CDO1: variants seen among roughly 807,000 people sequenced by gnomAD.
The protein encoded by CDO1 is cysteine dioxygenase type 1.
In CDO1, 19 loss-of-function variants were observed where a neutral mutation model predicts 24.5. The ratio of observed to expected loss-of-function variants is 0.77; its 90% confidence interval spans 0.54 to 1.14. CDO1 has a LOEUF of 1.14. CDO1 is among the 50% of genes most tolerant of loss of function. The probability of loss-of-function intolerance (pLI) is 0.00; values close to 1 mark genes in which losing one functional copy is unlikely to be tolerated. For missense variants in CDO1, 244 were observed against 244.8 expected (o/e 1.00, Z 0.02); for synonymous variants, 91 against 87.0 (o/e 1.05, Z -0.26).
intron 3 of CDO1, among the ~76,000 whole-genome samples, chr5:115,807,461 C>T (rs1759995037): frequency 6.6e-6 from 1 of 151,722 alleles, no homozygotes; most frequent in Admixed American, 6.6e-5. Flanking sequence ...AGACAGAGGG[C>T]AGAGCAAACA....
At chr5:115,813,492 C>T (rs535286000) in intron 1 of CDO1, among the ~76,000 whole-genome samples, 2 of 152,012 alleles carry the variant, frequency 1.3e-5, no homozygotes, top group Admixed American at 6.5e-5. Flanking sequence ...ATTAATGGCA[C>T]GGGAAAAATA....
chr5:115,809,335 G>T (rs1390268330), intron 3 of CDO1, among the ~76,000 whole-genome samples: 2 of 152,082 alleles, frequency 1.3e-5, no homozygotes, highest in African/African-American at 4.8e-5. Flanking sequence ...ATGAAGCAGA[G>T]TTAGGTCCAG....
At chr5:115,816,087 T>C in intron 1 of CDO1, 141 bp downstream of exon 1, 3 of 470,714 alleles carry the variant, frequency 6.4e-6, no homozygotes, top group Non-Finnish European at 1.1e-5. Flanking sequence ...GCCCCGCGGC[T>C]GGCCAGCGAG....
At chr5:115,808,723 AAAAAC>A (rs567999338) in intron 3 of CDO1, among the ~76,000 whole-genome samples, 1 of 145,096 alleles carries the variant, frequency 6.9e-6, no homozygotes, top group East Asian at 1.9e-4. Flanking sequence ...ACACACACAC[AAAAAC>A]AAAACAAAAC....
At chr5:115,813,047 CAAAA>C (rs1011228490) in intron 2 of CDO1, 130 bp downstream of exon 2, 3,351 of 151,492 alleles carry the variant, frequency 0.022, 2 homozygotes, top group African/African-American at 0.047. Flanking sequence ...ACCACTGTCT[CAAAA>C]AAAAAAAAAA....
At chr5:115,808,548 G>A (rs1760049409) in intron 3 of CDO1, among the ~76,000 whole-genome samples, 1 of 152,050 alleles carries the variant, frequency 6.6e-6, no homozygotes, top group Admixed American at 6.5e-5. Flanking sequence ...TCAGTAAAGA[G>A]GGGATCCAGC....
chr5:115,807,635 T>A (rs1393448364), intron 3 of CDO1, among the ~76,000 whole-genome samples: 1 of 135,860 alleles, frequency 7.4e-6, no homozygotes, highest in Non-Finnish European at 1.6e-5. Flanking sequence ...TGAGGAAGAC[T>A]CAAAGAACAA....
chr5:115,816,635 A>C lies in CDO1; in HGVS notation c.-238T>G. The C allele has an allele frequency of 1.8e-6, 1 of 547,762 alleles. No homozygotes were observed. Among genetic ancestry groups the C allele is most frequent in the East Asian group, 3.2e-5 (1 of 31,330 alleles). The allele number at this position is 547,762 out of a possible 1,614,324, so 33.9% of individuals were successfully genotyped here. On this transcript the variant is annotated 5_prime_UTR_variant, in exon 1 of 5. Coordinates refer to ENST00000250535, the MANE Select transcript of CDO1 (RefSeq NM_001801.3). ...TCCGGGATCGCTGGAGACGCGGTGC[A>C]CACACAAATCAGGTTCAGATCTGTG...
Position 115,804,939 on chromosome 5 carries a change from G to C in CDO1, c.*494C>G, listed in dbSNP as rs1428250581. On this transcript the variant is annotated 3_prime_UTR_variant, in exon 5 of 5. Coordinates refer to ENST00000250535, the MANE Select transcript of CDO1 (RefSeq NM_001801.3). The stretch of plus-strand genomic sequence containing the variant: ...TCTATTATTCATAGAAAAGAAATTT[G>C]TAAGGTAAGACTGAAAAAATAAAAT... 1 of 152,356 alleles carries C rather than the reference G, an allele frequency of 6.6e-6. No individual in the cohort carries two copies. The highest frequency in any genetic ancestry group is 1.5e-5 in the Non-Finnish European group (1 of 68,166). The allele number at this position is 152,356 out of a possible 1,614,324, so 9.4% of individuals were successfully genotyped here. A position where few individuals can be genotyped will look rare whatever the true frequency, so the allele number is the denominator to read the frequency against.
At chr5:115,813,107 T>C in intron 2 of CDO1, 74 bp downstream of exon 2, 1 of 717,020 alleles carries the variant, frequency 1.4e-6, no homozygotes, top group Non-Finnish European at 2.4e-6. Flanking sequence ...GACCTGTGGC[T>C]AGCCTGGTAC....
intron 1 of CDO1, among the ~76,000 whole-genome samples, 196 bp downstream of exon 1, chr5:115,816,032 C>G (rs866062652): frequency 6.6e-6 from 1 of 152,226 alleles, no homozygotes; most frequent in South Asian, 2.1e-4. Flanking sequence ...TAGGATCCAC[C>G]TTCCGCCTGC....
rs1480418863 is a variant in CDO1, at chr5:115,806,538, G to A, written c.404-20C>T. 1.3e-6 allele frequency: 2 copies of A among 1,588,326 alleles called. No homozygotes were observed. The highest frequency in any genetic ancestry group is 1.7e-6 in the Non-Finnish European group (2 of 1,170,008). On this transcript the variant is annotated intron_variant, in intron 3 of 4. Transcript: ENST00000250535. ...TGGAATCTAAACAATATCCGGGAAG[G>A]AAAAATAGATAAAGGAGCCTAGATA... is the stretch of plus-strand genomic sequence containing the variant.
At chr5:115,806,543 A>G (rs747535035) in intron 3 of CDO1, 25 bp from the exon 4 acceptor site, 1 of 1,586,772 alleles carries the variant, frequency 6.3e-7, no homozygotes, top group Admixed American at 1.8e-5. Flanking sequence ...GGAAGGAAAA[A>G]TAGATAAAGG....
intron 3 of CDO1, 26 bp downstream of exon 3, chr5:115,811,135 C>T (rs761372709): frequency 4.4e-6 from 7 of 1,602,128 alleles, no homozygotes; most frequent in Non-Finnish European, 6.0e-6. Context: ...TTCCCACTTG[C>T]CCTTAGAAAA....
At chr5:115,806,638 T>C (rs977242936) in intron 3 of CDO1, 120 bp from the exon 4 acceptor site, 1 of 726,788 alleles carries the variant, frequency 1.4e-6, no homozygotes. Context: ...TAGATATTAA[T>C]TAGAATTGAA....
At chr5:115,809,067 G>A (rs1056825177) in intron 3 of CDO1, among the ~76,000 whole-genome samples, 2 of 152,116 alleles carry the variant, frequency 1.3e-5, no homozygotes, top group Non-Finnish European at 2.9e-5. Context: ...CTTTGATCCT[G>A]TAGCTTGTTG....
At chr5:115,812,860 C>T (rs1349222657) in intron 2 of CDO1, among the ~76,000 whole-genome samples, 1 of 151,814 alleles carries the variant, frequency 6.6e-6, no homozygotes, top group African/African-American at 2.4e-5. Flanking sequence ...CCAGCCTAAC[C>T]AACATGGTGA....
intron 1 of CDO1, among the ~76,000 whole-genome samples, chr5:115,815,124 A>G (rs1006875724): frequency 1.3e-5 from 2 of 152,192 alleles, no homozygotes; most frequent in African/African-American, 4.8e-5. Flanking sequence ...AACATCCCAC[A>G]TGTTGAAGAG....
chr5:115,805,817 T>C (rs1203993953), intron 4 of CDO1, among the ~76,000 whole-genome samples: 1 of 152,252 alleles, frequency 6.6e-6, no homozygotes, highest in Non-Finnish European at 1.5e-5. Flanking sequence ...AAGACTGCCC[T>C]GCTATATTAG....
Sources: gnomAD v4.1 joint callset for allele counts (sites outside exome capture counted in the v4.1 genomes callset) on GRCh38, gnomAD v4.1.1 for gene constraint, MANE v1.5 for transcripts, NCBI Gene and HGNC (gene_info 2026-07-23, HGNC 2026-07-21) for gene names.